TRIP4: variants seen among roughly 807,000 people sequenced by gnomAD.
The protein encoded by TRIP4 is thyroid hormone receptor interactor 4, also known as activating signal cointegrator 1.
TRIP4 carries 54 observed loss-of-function variants against 81.8 expected under a neutral mutation model. The ratio of observed to expected loss-of-function variants is 0.66; its 90% CI spans 0.53 to 0.83. The LOEUF (loss-of-function observed/expected upper bound fraction) is 0.83. Ranked by LOEUF, TRIP4 falls within the 40% of genes least tolerant of loss-of-function variation. TRIP4 has a pLI of 0.00. For missense variants in TRIP4, 662 were observed against 683.6 expected, an observed-to-expected ratio of 0.97 and a Z score of 0.35; for synonymous variants, 270 against 242.8, an observed-to-expected ratio of 1.11 and a Z score of -1.04.
intron 11 of TRIP4, among the ~76,000 whole-genome samples, chr15:64,434,270 A>G (rs1892340582): frequency 6.6e-6 from 1 of 151,906 alleles, no homozygotes; most frequent in Non-Finnish European, 1.5e-5. Flanking sequence ...GTGGTGGCGC[A>G]TGCCTGTAAT....
intron 1 of TRIP4, among the ~76,000 whole-genome samples, chr15:64,392,128 C>G (rs914120805): frequency 1.3e-5 from 2 of 150,618 alleles, no homozygotes; most frequent in African/African-American, 4.9e-5. Flanking sequence ...AAAGCAAAAA[C>G]AAAACAAAAC....
chr15:64,399,501 A>AGTTT (rs997096265), intron 4 of TRIP4, among the ~76,000 whole-genome samples: 2 of 151,690 alleles, frequency 1.3e-5, no homozygotes, highest in South Asian at 2.1e-4. Context: ...TTGGCCTTGA[A>AGTTT]GTTTGTTTGT....
chr15:64,446,832 T>C (rs1892643336), intron 12 of TRIP4, among the ~76,000 whole-genome samples: 1 of 150,892 alleles, frequency 6.6e-6, no homozygotes, highest in Non-Finnish European at 1.5e-5. Flanking sequence ...GGGCCGGGCG[T>C]GGTGGCTCAC....
At chr15:64,391,881 G>T (rs1250447603) in intron 1 of TRIP4, among the ~76,000 whole-genome samples, 2 of 142,446 alleles carry the variant, frequency 1.4e-5, no homozygotes, top group Middle Eastern at 3.7e-3. Context: ...TGAGGCAGGA[G>T]AATTTCTTGA....
chr15:64,419,172 C>T (rs1891952419), intron 9 of TRIP4, among the ~76,000 whole-genome samples: 1 of 152,102 alleles, frequency 6.6e-6, no homozygotes, highest in Non-Finnish European at 1.5e-5. Flanking sequence ...TTTTATTTTC[C>T]TGTCCATATA....
intron 12 of TRIP4, 77 bp from the exon 13 acceptor site, chr15:64,454,920 G>C (rs1196267821): frequency 7.5e-7 from 1 of 1,337,378 alleles, no homozygotes; most frequent in Non-Finnish European, 1.1e-6. Context: ...ACAGTAACCA[G>C]AAGACCTGGG....
intron 11 of TRIP4, among the ~76,000 whole-genome samples, chr15:64,426,199 T>C (rs768454383): frequency 1.3e-5 from 2 of 152,194 alleles, no homozygotes; most frequent in South Asian, 2.1e-4. Context: ...ATTATTTTGA[T>C]TGGGGGGTGG....
At chr15:64,431,847 A>ATATATATATT in intron 11 of TRIP4, among the ~76,000 whole-genome samples, 7 of 119,558 alleles carry the variant, frequency 5.9e-5, no homozygotes, top group Admixed American at 1.9e-4. Context: ...ATATATATAT[A>ATATATATATT]TTTTTTTTAT....
At chr15:64,398,893 C>T (rs1900373953) in intron 4 of TRIP4, among the ~76,000 whole-genome samples, 1 of 145,120 alleles carries the variant, frequency 6.9e-6, no homozygotes, top group Non-Finnish European at 1.5e-5. Flanking sequence ...TATATTACTT[C>T]ATTTTCTCCT....
chr15:64,435,804 A>G (rs1307023056), intron 11 of TRIP4, among the ~76,000 whole-genome samples: 1 of 111,476 alleles, frequency 9.0e-6, no homozygotes, highest in African/African-American at 3.4e-5. Context: ...TGGGAGGGGG[A>G]GTGTAAAGGA....
intron 1 of TRIP4, chr15:64,388,188 C>A: frequency 1.4e-6 from 1 of 696,978 alleles, no homozygotes; most frequent in Non-Finnish European, 2.0e-6. Context: ...CCTGGGAAGA[C>A]GCCCAATCTG....
chr15:64,424,535 A>G (rs1892095276), intron 10 of TRIP4, among the ~76,000 whole-genome samples: 1 of 152,210 alleles, frequency 6.6e-6, no homozygotes, highest in Non-Finnish European at 1.5e-5. Flanking sequence ...GATTTGTACA[A>G]ATCAAAGTTG....
At position 64,402,097 on chromosome 15, in the gene TRIP4, G is replaced by A. The variant is rs140828613; in HGVS notation, c.697+1276G>A. On this transcript the variant is annotated intron_variant, in intron 5 of 12. Coordinates refer to ENST00000261884, the MANE Select transcript of TRIP4 (RefSeq NM_016213.5). ...TTCTTAGTTTTGATAATTGTACTATGGTTTTGTAAGATAAGATGGTAACAT... is the reference window on the plus strand; with the variant it reads ...TTCTTAGTTTTGATAATTGTACTATAGTTTTGTAAGATAAGATGGTAACAT... 3.0e-4 allele frequency among the ~76,000 whole-genome samples: 45 copies of A among 152,120 alleles called. No homozygotes were observed. In the East Asian group the frequency reaches 8.5e-3, roughly 29 times the overall value.
At position 64,424,046 on chromosome 15, in the gene TRIP4, C is replaced by G; in HGVS notation, c.1374C>G (p.Ser458=). ...VRGIKRVEGR[S]WYTPHRGRLW... ...TTTGTTTAAGGGTGGAGGGCAGATCCTGGTACACCCCCCACAGAGGACGAC... is the reference window on the plus strand; with the variant it reads ...TTTGTTTAAGGGTGGAGGGCAGATCGTGGTACACCCCCCACAGAGGACGAC... The change falls in exon 10 of 13, where the codon TCC becomes TCG. Residue 458 remains serine, a synonymous_variant. Coordinates refer to ENST00000261884, the MANE Select transcript of TRIP4 (RefSeq NM_016213.5). 1 of 1,614,074 alleles carries G rather than the reference C, an allele frequency of 6.2e-7. No individual in the cohort carries two copies.
chr15:64,432,978 C>T (rs1468016920), intron 11 of TRIP4, among the ~76,000 whole-genome samples: 1 of 151,954 alleles, frequency 6.6e-6, no homozygotes, highest in Non-Finnish European at 1.5e-5. Flanking sequence ...AAATCAGGCA[C>T]TGTTCTAAAC....
At chr15:64,412,217 G>A (rs1287099040) in intron 7 of TRIP4, among the ~76,000 whole-genome samples, 2 of 151,918 alleles carry the variant, frequency 1.3e-5, no homozygotes, top group Non-Finnish European at 2.9e-5. Flanking sequence ...CTAGAGTTCT[G>A]GATATACTTA....
In TRIP4 at chr15:64,454,870, G is replaced by A. The variant is rs1026986214; in HGVS notation, c.1679-127G>A. ...GAATGAAACTCTGAAGTTTGGAAGT[G>A]TCTGAGTCCTGAAGTAAGATAATTG... On this transcript the variant is annotated intron_variant, in intron 12 of 12. Coordinates refer to ENST00000261884, the MANE Select transcript of TRIP4 (RefSeq NM_016213.5). The A allele has an allele frequency of 5.1e-6, 4 of 783,954 alleles. No homozygotes were observed. In the Admixed American group the frequency reaches 7.3e-5, roughly 14 times the overall value. The allele number at this position is 783,954 out of a possible 1,614,324, so 48.6% of individuals were successfully genotyped here. A position where few individuals can be genotyped will look rare whatever the true frequency, so the allele number is the denominator to read the frequency against.
At chr15:64,397,291 T>C (rs1900322548) in intron 3 of TRIP4, among the ~76,000 whole-genome samples, 3 of 152,242 alleles carry the variant, frequency 2.0e-5, no homozygotes, top group African/African-American at 7.2e-5. Context: ...TTGTTTCTTA[T>C]GATCTCCAAT....
intron 4 of TRIP4, among the ~76,000 whole-genome samples, chr15:64,400,408 A>G (rs115510612): frequency 0.017 from 2,501 of 151,086 alleles, 65 homozygotes; most frequent in African/African-American, 0.058. Flanking sequence ...TCCTGCACTC[A>G]AGCAATCTGC....
Sources: gnomAD v4.1 joint callset for allele counts (sites outside exome capture counted in the v4.1 genomes callset) on GRCh38, gnomAD v4.1.1 for gene constraint, MANE v1.5 for transcripts, NCBI Gene and HGNC (gene_info 2026-07-23, HGNC 2026-07-21) for gene names.